The following ITPR2 variants were observed in gnomAD, a reference collection of about 807,000 sequenced individuals.
ITPR2 encodes the protein inositol 1,4,5-trisphosphate-gated calcium channel ITPR2.
Under a neutral mutation model 317.1 loss-of-function variants are expected in ITPR2, and 207 were observed. That is an observed-to-expected ratio of 0.65 (90% CI 0.58 to 0.73). The LOEUF (loss-of-function observed/expected upper bound fraction) is 0.73, where lower values mean the gene tolerates loss of function less well. Among genes scored for constraint, ITPR2 ranks in the 30% least tolerant of loss-of-function variants. The pLI, the probability that ITPR2 is intolerant of heterozygous loss-of-function variation, is 0.00. For synonymous variants in ITPR2, 1,156 were observed against 1,149.1 expected, an observed-to-expected ratio of 1.01 and a Z score of -0.12; for missense variants, 2,613 against 3,284.0, an observed-to-expected ratio of 0.80 and a Z score of 4.99.
intron 2 of ITPR2, among the ~76,000 whole-genome samples, chr12:26,736,787 C>G (rs995816116): frequency 1.3e-5 from 2 of 152,198 alleles, no homozygotes; most frequent in African/African-American, 4.8e-5. Context: ...ATTCCTCAAA[C>G]AGAGGAAGAA....
intron 37 of ITPR2, among the ~76,000 whole-genome samples, chr12:26,507,861 CTCTGTGTG>C (rs1213640137): frequency 1.7e-5 from 2 of 120,876 alleles, no homozygotes; most frequent in Non-Finnish European, 3.4e-5. Flanking sequence ...CTCTCTCTGT[CTCTGTGTG>C]TGTGTGTGTG....
At chr12:26,678,030 T>G (rs1947952950) in intron 13 of ITPR2, among the ~76,000 whole-genome samples, 1 of 152,136 alleles carries the variant, frequency 6.6e-6, no homozygotes, top group African/African-American at 2.4e-5. Flanking sequence ...TAGCACTACA[T>G]ATAGCCATGC....
At chr12:26,373,601 C>G (rs1939251818) in intron 55 of ITPR2, 1 of 152,172 alleles carries the variant, frequency 6.6e-6, no homozygotes, top group Non-Finnish European at 1.5e-5. Context: ...TTAACAATCA[C>G]AGTAGAACCC....
intron 13 of ITPR2, among the ~76,000 whole-genome samples, chr12:26,666,552 T>A (rs982209621): frequency 1.3e-5 from 2 of 152,180 alleles, no homozygotes; most frequent in Non-Finnish European, 2.9e-5. Context: ...TTTTTCTTTC[T>A]TTTTTTACTG....
chr12:26,707,512 AT>A (rs1948573181), intron 9 of ITPR2, among the ~76,000 whole-genome samples: 1 of 152,202 alleles, frequency 6.6e-6, no homozygotes, highest in Admixed American at 6.5e-5. Context: ...ATGCTTTGAA[AT>A]AAAAAACCTG....
At chr12:26,403,887 G>A (rs1940260143) in intron 52 of ITPR2, among the ~76,000 whole-genome samples, 1 of 152,186 alleles carries the variant, frequency 6.6e-6, no homozygotes, top group Non-Finnish European at 1.5e-5. Context: ...TGGGTGAGAG[G>A]AGTGGAAGAC....
At chr12:26,469,519 A>G (rs564520304) in intron 45 of ITPR2, among the ~76,000 whole-genome samples, 1 of 152,208 alleles carries the variant, frequency 6.6e-6, no homozygotes, top group East Asian at 1.9e-4. Context: ...AGATCAACCA[A>G]TCTCTAATAG....
At chr12:26,658,330 TAA>T (rs760029531) in intron 16 of ITPR2, among the ~76,000 whole-genome samples, 200 bp from the exon 17 acceptor site, 22 of 152,362 alleles carry the variant, frequency 1.4e-4, no homozygotes, top group Admixed American at 1.1e-3. Flanking sequence ...TTATTTAATA[TAA>T]GTCTTGTTTC....
intron 13 of ITPR2, 48 bp downstream of exon 13, chr12:26,681,826 C>A: frequency 2.9e-6 from 4 of 1,371,114 alleles, no homozygotes; most frequent in Non-Finnish European, 4.1e-6. Context: ...CTTACTATAA[C>A]AATTGACAAC....
Position 26,715,763 on chromosome 12 carries a change from C to A in ITPR2, c.697G>T (p.Val233Leu). ...TAGCACATACTTACTCCTTTTAATA[C>A]ATCCTCTCGATAGGAACTATATTTC... is the stretch of plus-strand genomic sequence containing the variant. ...FMKYSSYRED[V>L]LKGGDVVRLF... is the part of the protein sequence containing the mutation. The change falls in exon 7 of 57, where the codon GTA (valine) becomes TTA (leucine). Residue 233 changes from valine to leucine, a missense_variant. By Grantham distance (32) the Val-to-Leu change is conservative. This residue lies in a region of ITPR2 where 515 missense variants were observed against 789.4 expected (regional missense o/e 0.65). Coordinates refer to ENST00000381340, the MANE Select transcript of ITPR2 (RefSeq NM_002223.4). 1 of 1,597,140 alleles carries A rather than the reference C, an allele frequency of 6.3e-7. No homozygotes were observed. Among genetic ancestry groups the A allele is most frequent in the Non-Finnish European group, 8.6e-7 (1 of 1,165,432 alleles).
At chr12:26,742,246 T>C (rs1171574385) in intron 2 of ITPR2, among the ~76,000 whole-genome samples, 1 of 152,088 alleles carries the variant, frequency 6.6e-6, no homozygotes, top group African/African-American at 2.4e-5. Context: ...AAATAAATAG[T>C]GGTATGGTCA....
Position 26,654,107 on chromosome 12 carries a change from T to C in ITPR2, c.2609A>G (p.Asn870Ser). 7.0e-7 allele frequency: 1 copy of C among 1,425,794 alleles called. No homozygotes were observed. Among genetic ancestry groups the C allele is most frequent in the Non-Finnish European group, 9.3e-7 (1 of 1,071,466 alleles). The allele number at this position is 1,425,794 out of a possible 1,614,324, so 88.3% of individuals were successfully genotyped here. A position where few individuals can be genotyped will look rare whatever the true frequency, so the allele number is the denominator to read the frequency against. ...LTFEVVHLARNLIYFGFYSFS... is the reference protein window; with the variant it reads ...LTFEVVHLARSLIYFGFYSFS... The stretch of plus-strand genomic sequence containing the variant: ...ACTATAAAATCCAAAGTATATAAGA[T>C]TCCGAGCCAAGTGGACCACCTTAAT... The change falls in exon 21 of 57, where the codon AAT (asparagine) becomes AGT (serine). Residue 870 changes from asparagine (N) to serine (S), a missense_variant. By Grantham distance (46) the Asn-to-Ser change is conservative. Around this residue, in one of 9 missense-constraint regions of ITPR2, gnomAD observed 817 missense variants for 897.6 expected, o/e 0.91. Transcript: ENST00000381340.
chr12:26,569,611 A>T (rs1292369404), intron 34 of ITPR2, among the ~76,000 whole-genome samples: 1 of 152,020 alleles, frequency 6.6e-6, no homozygotes, highest in Non-Finnish European at 1.5e-5. Flanking sequence ...TTATAGGCAA[A>T]GAGATCATTT....
intron 26 of ITPR2, among the ~76,000 whole-genome samples, chr12:26,614,261 T>C (rs780567991): frequency 7.3e-5 from 11 of 151,506 alleles, no homozygotes; most frequent in Non-Finnish European, 1.3e-4. Flanking sequence ...ACAAGATAAG[T>C]TTCCCTGAAG....
chr12:26,398,757 T>C (rs1011343894), intron 54 of ITPR2, 119 bp downstream of exon 54: 14 of 819,738 alleles, frequency 1.7e-5, no homozygotes, highest in African/African-American at 5.3e-5. Flanking sequence ...ATCTGAATTT[T>C]ATCCAACCTT....
intron 35 of ITPR2, among the ~76,000 whole-genome samples, chr12:26,560,598 C>T (rs541302256): frequency 1.3e-5 from 2 of 152,262 alleles, no homozygotes; most frequent in Admixed American, 6.5e-5. Flanking sequence ...TTATCTGCAA[C>T]ACCTATTTCT....
intron 1 of ITPR2, among the ~76,000 whole-genome samples, chr12:26,791,204 T>C (rs1276358579): frequency 6.6e-6 from 1 of 152,192 alleles, no homozygotes; most frequent in Admixed American, 6.5e-5. Flanking sequence ...GAATCCCCTG[T>C]TCAAAGAGAA....
At chr12:26,435,410 G>A (rs1287444286) in intron 48 of ITPR2, among the ~76,000 whole-genome samples, 1 of 152,074 alleles carries the variant, frequency 6.6e-6, no homozygotes, top group Non-Finnish European at 1.5e-5. Context: ...GAAATGATGA[G>A]ATGCAAAAGC....
intron 45 of ITPR2, among the ~76,000 whole-genome samples, chr12:26,444,346 G>T (rs1052344476): frequency 5.3e-5 from 8 of 152,164 alleles, no homozygotes; most frequent in Admixed American, 2.6e-4. Flanking sequence ...CTCTTTTATG[G>T]TTGTCTCGAG....
Sources: allele counts gnomAD v4.1 joint callset (sites outside exome capture counted in the v4.1 genomes callset), GRCh38; gene constraint gnomAD v4.1.1; regional missense constraint gnomAD v4.1.1; transcripts MANE v1.5; gene names NCBI Gene and HGNC (gene_info 2026-07-23, HGNC 2026-07-21).